Variants in GFOD1 observed in about 807,000 individuals in gnomAD.
GFOD1 encodes Gfo/Idh/MocA-like oxidoreductase domain containing 1, also known as glucose-fructose oxidoreductase domain-containing protein 1.
In GFOD1, 9 loss-of-function variants were observed where a neutral mutation model predicts 25.4. The ratio of observed to expected loss-of-function variants is 0.35; its 90% CI spans 0.21 to 0.62. The LOEUF is 0.62. Among genes scored for constraint, GFOD1 ranks in the 20% least tolerant of loss-of-function variants. The pLI, the probability that GFOD1 is intolerant of heterozygous loss-of-function variation, is 0.72. For missense variants in GFOD1, 403 were observed against 556.9 expected (o/e 0.72, Z 2.78); for synonymous variants, 253 against 245.6 (o/e 1.03, Z -0.28).
chr6:13,486,861 G>A lies in GFOD1; in HGVS notation c.30C>T (p.Thr10=). ...GGATGATGACACGGGCCGTGAGGCT[G>A]GTGCCGAACACGCCCACCCCGGGAA... MLPGVGVFG[T]SLTARVIIPL... Residue 10 remains threonine, a synonymous_variant, in exon 1 of 2, where the codon ACC becomes ACT. Transcript: ENST00000379287. 6.2e-7 allele frequency: 1 copy of A among 1,612,280 alleles called. No homozygotes were observed.
At chr6:13,449,954 A>T (rs1333959595) in intron 1 of GFOD1, among the ~76,000 whole-genome samples, 1 of 152,226 alleles carries the variant, frequency 6.6e-6, no homozygotes, top group Non-Finnish European at 1.5e-5. Flanking sequence ...CTTCTATAAG[A>T]CTAACTGGCT....
rs1784939044 is a variant in GFOD1 at position 13,361,047 on chromosome 6, T to C, written c.*3696A>G. 1.1e-5 allele frequency: 4 copies of C among 358,808 alleles called. No homozygotes were observed. The highest frequency in any genetic ancestry group is 2.2e-5 in the Non-Finnish European group (4 of 181,382). The allele number at this position is 358,808 out of a possible 1,614,324, so 22.2% of individuals were successfully genotyped here. A position where few individuals can be genotyped will look rare whatever the true frequency, so the allele number is the denominator to read the frequency against. On this transcript the variant is annotated 3_prime_UTR_variant, in exon 2 of 2. Transcript: ENST00000379287. ...ACACTATAGGGTTGTTTTTATGGATTGTATGAGATAACATACTTAAAATAC... is the reference window on the plus strand; with the variant it reads ...ACACTATAGGGTTGTTTTTATGGATCGTATGAGATAACATACTTAAAATAC...
chr6:13,371,840 G>A (rs1562195373), intron 1 of GFOD1, among the ~76,000 whole-genome samples: 1 of 152,064 alleles, frequency 6.6e-6, no homozygotes, highest in East Asian at 1.9e-4. Flanking sequence ...TGCTCAGCTC[G>A]CCCCCCTGAG....
intron 1 of GFOD1, among the ~76,000 whole-genome samples, chr6:13,458,211 C>T (rs12662911): frequency 1.3e-5 from 2 of 151,930 alleles, no homozygotes; most frequent in East Asian, 3.9e-4. Flanking sequence ...TCTGCCTCCT[C>T]GGTTCAAGTG....
chr6:13,474,465 T>C (rs1396327716), intron 1 of GFOD1, among the ~76,000 whole-genome samples: 1 of 152,236 alleles, frequency 6.6e-6, no homozygotes, highest in East Asian at 1.9e-4. Flanking sequence ...ACTGGGAAGC[T>C]TACCCAGGTG....
At chr6:13,438,097 G>A (rs1423483183) in intron 1 of GFOD1, among the ~76,000 whole-genome samples, 1 of 152,206 alleles carries the variant, frequency 6.6e-6, no homozygotes, top group African/African-American at 2.4e-5. Context: ...GTTATGTGAT[G>A]AAGGGTTTAG....
chr6:13,367,675 A>C (rs943434564), intron 1 of GFOD1, among the ~76,000 whole-genome samples: 6 of 152,122 alleles, frequency 3.9e-5, no homozygotes, highest in African/African-American at 1.4e-4. Flanking sequence ...GGGAATGAGA[A>C]AGGGATTTAT....
At chr6:13,402,146 T>A (rs1340830308) in intron 1 of GFOD1, among the ~76,000 whole-genome samples, 1 of 152,208 alleles carries the variant, frequency 6.6e-6, no homozygotes, top group African/African-American at 2.4e-5. Flanking sequence ...TGCACAAAAA[T>A]GAAGTTGGAG....
intron 1 of GFOD1, among the ~76,000 whole-genome samples, chr6:13,409,090 AAAG>A (rs1307283363): frequency 2.2e-5 from 1 of 45,118 alleles, no homozygotes; most frequent in African/African-American, 5.6e-5. Context: ...ATCAGAAAGG[AAAG>A]AAAGAAAGAA....
At chr6:13,475,847 C>T (rs1015974690) in intron 1 of GFOD1, among the ~76,000 whole-genome samples, 2 of 151,894 alleles carry the variant, frequency 1.3e-5, no homozygotes, top group Non-Finnish European at 2.9e-5. Flanking sequence ...TCACTTGAAC[C>T]CAGAAGATGG....
chr6:13,408,113 C>T (rs1562208899), intron 1 of GFOD1: 1 of 984,968 alleles, frequency 1.0e-6, no homozygotes. Context: ...TAGCATCTAT[C>T]CTCCACATAG....
At chr6:13,457,409 C>G (rs1341019050) in intron 1 of GFOD1, among the ~76,000 whole-genome samples, 1 of 152,188 alleles carries the variant, frequency 6.6e-6, no homozygotes, top group Non-Finnish European at 1.5e-5. Flanking sequence ...TCACACAGCA[C>G]CAGGAGCACC....
At chr6:13,412,145 GTGTGTCC>G (rs1786087960) in intron 1 of GFOD1, among the ~76,000 whole-genome samples, 1 of 152,216 alleles carries the variant, frequency 6.6e-6, no homozygotes, top group African/African-American at 2.4e-5. Context: ...ATGAGCTGAA[GTGTGTCC>G]CTCTAAAATT....
In GFOD1 at chr6:13,452,082, A is replaced by G. The variant is rs367557101; in HGVS notation, c.253+34556T>C. Among the ~76,000 whole-genome samples the G allele has an allele frequency of 1.1e-4, 16 of 152,298 alleles. No homozygotes were observed. The East Asian group carries it at 2.9e-3, about 28-fold the overall frequency. ...AGAGAGATGCTCAGGTGGGAGGCAA[A>G]GGAAGAAAACTCCTGGGTTCCCTGT... On this transcript the variant is annotated intron_variant, in intron 1 of 1. Coordinates refer to ENST00000379287, the MANE Select transcript of GFOD1 (RefSeq NM_018988.4).
intron 1 of GFOD1, among the ~76,000 whole-genome samples, chr6:13,375,189 C>T (rs942329718): frequency 2.6e-5 from 4 of 152,182 alleles, no homozygotes; most frequent in Non-Finnish European, 5.9e-5. Context: ...CCCATCAAGT[C>T]GTACTTTGGG....
intron 1 of GFOD1, among the ~76,000 whole-genome samples, chr6:13,411,909 ACTT>A (rs1477824956): frequency 2.6e-5 from 4 of 152,248 alleles, no homozygotes; most frequent in Non-Finnish European, 5.9e-5. Context: ...GCCTGGTTCA[ACTT>A]CTTGCTCTGC....
rs939420858 is a variant in GFOD1, at chr6:13,358,494, C to G, written c.*6249G>C. 4.6e-5 allele frequency: 7 copies of G among 152,144 alleles called. No homozygotes were observed. The highest frequency in any genetic ancestry group is 1.7e-4 in the African/African-American group (7 of 41,410). The allele number at this position is 152,144 out of a possible 1,614,324, so 9.4% of individuals were successfully genotyped here. ...AAAGTCACATTTGCTAGAAACTTCT[C>G]CCTCCCCTGGGCAAGGCACAGGGCA... On this transcript the variant is annotated 3_prime_UTR_variant, in exon 2 of 2. Coordinates refer to ENST00000379287, the MANE Select transcript of GFOD1 (RefSeq NM_018988.4).
At chr6:13,481,382 G>A (rs1758748007) in intron 1 of GFOD1, among the ~76,000 whole-genome samples, 1 of 152,250 alleles carries the variant, frequency 6.6e-6, no homozygotes, top group African/African-American at 2.4e-5. Flanking sequence ...ATTGGCATGT[G>A]AGGAACAGAA....
At chr6:13,409,922 C>CAAAAA (rs757548005) in intron 1 of GFOD1, among the ~76,000 whole-genome samples, 3 of 71,994 alleles carry the variant, frequency 4.2e-5, no homozygotes, top group Admixed American at 1.8e-4. Flanking sequence ...GGCTCCATTT[C>CAAAAA]AAAAAAAAAA....
Sources: allele counts gnomAD v4.1 joint callset (sites outside exome capture counted in the v4.1 genomes callset), GRCh38; gene constraint gnomAD v4.1.1; transcripts MANE v1.5; gene names NCBI Gene and HGNC (gene_info 2026-07-23, HGNC 2026-07-21).